Variants in SYT7 observed in about 807,000 individuals in gnomAD.
SYT7 encodes the protein synaptotagmin 7.
Under a neutral mutation model 75.1 loss-of-function variants are expected in SYT7, and 29 were observed. That is an observed-to-expected ratio of 0.39 (90% confidence interval 0.29 to 0.53). The LOEUF is 0.53. Ranked by LOEUF, SYT7 falls within the 20% of genes least tolerant of loss-of-function variation. The pLI is 0.77. For missense variants in SYT7, 693 were observed against 953.2 expected, an observed-to-expected ratio of 0.73 and a Z score of 3.59; for synonymous variants, 376 against 401.7, an observed-to-expected ratio of 0.94 and a Z score of 0.76.
rs545031192 is a variant in SYT7, at chr11:61,518,184, G to A, written c.*443C>T. 4.3e-5 allele frequency: 7 copies of A among 161,158 alleles called. No individual in the cohort carries two copies. The highest frequency in any genetic ancestry group is 8.1e-5 in the Non-Finnish European group (6 of 74,132). 10.0% of individuals were successfully genotyped at this position (161,158 alleles called of 1,614,324 possible). ...CTGCCCTGGGGATGGGCCTCTCCTGGCCAGGCCGGGGCCAAACGCCTCAGC... is the reference window on the plus strand; with the variant it reads ...CTGCCCTGGGGATGGGCCTCTCCTGACCAGGCCGGGGCCAAACGCCTCAGC... On this transcript the variant is annotated 3_prime_UTR_variant, in exon 13 of 13. Coordinates refer to ENST00000539008, the MANE Select transcript of SYT7 (RefSeq NM_001365809.2).
intron 5 of SYT7, among the ~76,000 whole-genome samples, chr11:61,543,117 A>T (rs992023057): frequency 2.6e-5 from 4 of 152,212 alleles, no homozygotes; most frequent in Non-Finnish European, 5.9e-5. Context: ...CGGGGAAGCC[A>T]TCAGTTCTTA....
In SYT7 at chr11:61,580,306, CT is replaced by C. The variant is rs1402272645; in HGVS notation, c.31+483del. ...GCCGCACCAGATTCCCACTTGCCCC[CT>C]GGCACCCTCTCAATTCACAGTTGGC... On this transcript the variant is annotated intron_variant, in intron 1 of 12. Transcript: ENST00000539008. The surrounding 1 kb of genome is among the most constrained non-coding windows in gnomAD (Gnocchi z 6.1). Among the ~76,000 whole-genome samples, 1 of 152,108 alleles carries C rather than the reference CT, an allele frequency of 6.6e-6. No individual in the cohort carries two copies. The highest frequency in any genetic ancestry group is 2.4e-5 in the African/African-American group (1 of 41,424).
chr11:61,523,922 A>G lies in SYT7; in HGVS notation c.1661T>C (p.Leu554Pro), dbSNP rs1293796462. ...SDGSGSRGELLLSLCYNPSAN... is the reference protein window; with the variant it reads ...SDGSGSRGELPLSLCYNPSAN... ...AGAGGGGTTGTAGCAGAGAGACAAG[A>G]GCAGCTCCCCTCGGCTCCCCTGGGA... Residue 554 changes from leucine (L) to proline (P), a missense_variant, in exon 11 of 13, where the codon CTC becomes CCC. By Grantham distance (98) the Leu-to-Pro change is moderately conservative (BLOSUM62 -3). This residue lies in a region of SYT7 where 206 missense variants were observed against 360.0 expected (regional missense o/e 0.57). Coordinates refer to ENST00000539008, the MANE Select transcript of SYT7 (RefSeq NM_001365809.2). This position sits in a 1 kb window ranked among gnomAD's most constrained non-coding sequence, Gnocchi z 5.0. The G allele has an allele frequency of 1.2e-6, 2 of 1,613,864 alleles. No individual in the cohort carries two copies. Among genetic ancestry groups the G allele is most frequent in the Non-Finnish European group, 1.7e-6 (2 of 1,179,944 alleles).
At position 61,553,211 on chromosome 11, in the gene SYT7, C is replaced by T. The variant is rs2063402120; in HGVS notation, c.136-1748G>A. ...AGAGGTCCAAATCTCAAACAATTCC[C>T]AGTTCCAACTGGGAAGATCCTATGC... On this transcript the variant is annotated intron_variant, in intron 2 of 12. Coordinates refer to ENST00000539008, the MANE Select transcript of SYT7 (RefSeq NM_001365809.2). The surrounding 1 kb of genome is among the most constrained non-coding windows in gnomAD (Gnocchi z 5.2). 6.6e-6 allele frequency among the ~76,000 whole-genome samples: 1 copy of T among 152,242 alleles called. No individual in the cohort carries two copies. The highest frequency in any genetic ancestry group is 1.5e-5 in the Non-Finnish European group (1 of 68,044).
rs58071370 is a variant in SYT7 at position 61,538,346 on chromosome 11, GGAGAGAGAGA to G, written c.942-90_942-81del. On this transcript the variant is annotated intron_variant, in intron 6 of 12. Coordinates refer to ENST00000539008, the MANE Select transcript of SYT7 (RefSeq NM_001365809.2). Reference sequence around the variant, plus strand: ...GGGGGCAGGGGGGAAGGAGAGAGAGGGAGAGAGAGAGAGAGAGAGAGAGAGAGAGAGAGAG... The same window carrying G: ...GGGGGCAGGGGGGAAGGAGAGAGAGGGAGAGAGAGAGAGAGAGAGAGAGAG... 2.3e-3 allele frequency: 476 copies of G among 203,276 alleles called. 1 individual carries two copies. The highest frequency in any genetic ancestry group is 9.1e-3 in the South Asian group (106 of 11,692). 12.6% of individuals were successfully genotyped at this position (203,276 alleles called of 1,614,324 possible). A position where few individuals can be genotyped will look rare whatever the true frequency, so the allele number is the denominator to read the frequency against.
chr11:61,520,426 G>A (rs1590813857), intron 12 of SYT7, among the ~76,000 whole-genome samples: 1 of 152,172 alleles, frequency 6.6e-6, no homozygotes, highest in Non-Finnish European at 1.5e-5. Flanking sequence ...CTTGGGGACT[G>A]AGGTGGGAGG....
chr11:61,569,144 CT>C (rs1248960590), intron 1 of SYT7, among the ~76,000 whole-genome samples: 1 of 152,168 alleles, frequency 6.6e-6, no homozygotes, highest in Admixed American at 6.5e-5. Flanking sequence ...TCAGCTTTAA[CT>C]TGGAGTCTCG....
chr11:61,573,069 GA>G (rs147376537), intron 1 of SYT7, among the ~76,000 whole-genome samples: 1 of 149,708 alleles, frequency 6.7e-6, no homozygotes, highest in African/African-American at 2.6e-5. Flanking sequence ...CGTGGGCATG[GA>G]GAGGGGGGGT....
rs1298285 is a variant in SYT7, at chr11:61,542,694, G to C, written c.573-115C>G. On this transcript the variant is annotated intron_variant, in intron 5 of 12. Transcript: ENST00000539008. This position sits in a 1 kb window ranked among gnomAD's most constrained non-coding sequence, Gnocchi z 7.8. ...GCCCCAGTGCAGGGTGCGCGCTGCC[G>C]GACCTCGCCAGGCCTCCATCGGAGC... 7.2e-7 allele frequency: 1 copy of C among 1,383,536 alleles called. No homozygotes were observed. Among genetic ancestry groups the C allele is most frequent in the Non-Finnish European group, 9.3e-7 (1 of 1,074,216 alleles). 85.7% of individuals were successfully genotyped at this position (1,383,536 alleles called of 1,614,324 possible).
At chr11:61,575,429 C>A (rs2064044026) in intron 1 of SYT7, among the ~76,000 whole-genome samples, 1 of 152,188 alleles carries the variant, frequency 6.6e-6, no homozygotes, top group South Asian at 2.1e-4. Context: ...ACAGACCAGA[C>A]CTAGTCACAA....
At chr11:61,556,266 G>A (rs1184830785) in intron 1 of SYT7, 59 bp from the exon 2 acceptor site, 9 of 1,434,544 alleles carry the variant, frequency 6.3e-6, no homozygotes, top group Non-Finnish European at 8.6e-6. Context: ...CCCTCCCTCA[G>A]CCCAGAGCCC....
rs1001259876 is a variant in SYT7, at chr11:61,546,809, C to T, written c.347+368G>A. ...ACCGAGCAGCCACGGCAGCACACAGCGGGGAGGAAGAAGCGACCACAACCG... is the reference window on the plus strand; with the variant it reads ...ACCGAGCAGCCACGGCAGCACACAGTGGGGAGGAAGAAGCGACCACAACCG... On this transcript the variant is annotated intron_variant, in intron 4 of 12. Transcript: ENST00000539008. This position sits in a 1 kb window ranked among gnomAD's most constrained non-coding sequence, Gnocchi z 7.6. 1.4e-5 allele frequency: 5 copies of T among 367,220 alleles called. No homozygotes were observed. The highest frequency in any genetic ancestry group is 2.1e-5 in the African/African-American group (1 of 46,526). 22.7% of individuals were successfully genotyped at this position (367,220 alleles called of 1,614,324 possible).
In SYT7 at chr11:61,551,311, G is replaced by A; in HGVS notation, c.215+73C>T. 1 of 1,394,248 alleles carries A rather than the reference G, an allele frequency of 7.2e-7. No individual in the cohort carries two copies. 86.4% of individuals were successfully genotyped at this position (1,394,248 alleles called of 1,614,324 possible). ...AGTGTGTGGTCAGGTCTGTGGGGCTGGGGGAGAGAAGGGGCTCCTCCCACC... is the reference window on the plus strand; with the variant it reads ...AGTGTGTGGTCAGGTCTGTGGGGCTAGGGGAGAGAAGGGGCTCCTCCCACC... On this transcript the variant is annotated intron_variant, in intron 3 of 12. Coordinates refer to ENST00000539008, the MANE Select transcript of SYT7 (RefSeq NM_001365809.2). This position sits in a 1 kb window ranked among gnomAD's most constrained non-coding sequence, Gnocchi z 5.3.
rs1193498080 is a variant in SYT7 at position 61,563,663 on chromosome 11, C to A, written c.32-7456G>T. On this transcript the variant is annotated intron_variant, in intron 1 of 12. Coordinates refer to ENST00000539008, the MANE Select transcript of SYT7 (RefSeq NM_001365809.2). The stretch of plus-strand genomic sequence containing the variant: ...TTCCTCTTTCCCACAAGCAGGCCAA[C>A]CCTTGTCACACCTATGATGCTTTGC... Among the ~76,000 whole-genome samples the A allele has an allele frequency of 2.0e-5, 3 of 152,094 alleles. No homozygotes were observed. The East Asian group carries it at 5.8e-4, about 29-fold the overall frequency.
chr11:61,580,981 G>A lies in SYT7; in HGVS notation c.-161C>T. 4 of 976,386 alleles carry A rather than the reference G, an allele frequency of 4.1e-6. No individual in the cohort carries two copies. The highest frequency in any genetic ancestry group is 4.9e-6 in the Non-Finnish European group (4 of 823,622). The allele number at this position is 976,386 out of a possible 1,614,324, so 60.5% of individuals were successfully genotyped here. A position where few individuals can be genotyped will look rare whatever the true frequency, so the allele number is the denominator to read the frequency against. On this transcript the variant is annotated 5_prime_UTR_variant, in exon 1 of 13. Transcript: ENST00000539008. This position sits in a 1 kb window ranked among gnomAD's most constrained non-coding sequence, Gnocchi z 6.1. ...CTAGCCGCGGAGCCGGGGAGCGGGGGCCGCCCGCCAGCCCTCCCGCCCGCC... is the reference window on the plus strand; with the variant it reads ...CTAGCCGCGGAGCCGGGGAGCGGGGACCGCCCGCCAGCCCTCCCGCCCGCC...
chr11:61,567,969 C>T (rs1214062721), intron 1 of SYT7, among the ~76,000 whole-genome samples: 2 of 152,250 alleles, frequency 1.3e-5, no homozygotes, highest in Non-Finnish European at 2.9e-5. Context: ...GGCAAAACTT[C>T]CTGCTCCCTC....
chr11:61,585,818 G>T (rs1387495212), upstream of SYT7, among the ~76,000 whole-genome samples: 3 of 152,184 alleles, frequency 2.0e-5, no homozygotes, highest in African/African-American at 7.2e-5. Flanking sequence ...ATCAAGGGAA[G>T]AATCTGAGAC....
intron 6 of SYT7, among the ~76,000 whole-genome samples, chr11:61,538,806 T>TG (rs1391711301): frequency 5.3e-5 from 8 of 152,306 alleles, no homozygotes; most frequent in Middle Eastern, 6.8e-3. Flanking sequence ...GCGCAGGCTT[T>TG]GAAAGTTTCG....
At chr11:61,534,288 C>T (rs879519161) in intron 7 of SYT7, among the ~76,000 whole-genome samples, 6 of 152,218 alleles carry the variant, frequency 3.9e-5, no homozygotes, top group Non-Finnish European at 8.8e-5. Context: ...CAGGTGACCA[C>T]GACAGGCACA....
Sources: allele counts gnomAD v4.1 joint callset (sites outside exome capture counted in the v4.1 genomes callset), GRCh38; gene constraint gnomAD v4.1.1; regional missense constraint gnomAD v4.1.1; non-coding constraint Gnocchi (gnomAD v3.1); transcripts MANE v1.5; gene names NCBI Gene and HGNC (gene_info 2026-07-23, HGNC 2026-07-21).